CNTNAP2: variants seen among roughly 807,000 people sequenced by gnomAD.
CNTNAP2 encodes the protein contactin-associated protein-like 2.
In CNTNAP2, 98 loss-of-function variants were observed where a neutral mutation model predicts 155.2. The observed-to-expected ratio is 0.63, with a 90% CI of 0.54 to 0.75. The LOEUF (loss-of-function observed/expected upper bound fraction) is 0.75, where lower values mean the gene tolerates loss of function less well. Ranked by LOEUF, CNTNAP2 falls within the 30% of genes least tolerant of loss-of-function variation. CNTNAP2 has a pLI of 0.00. For synonymous variants in CNTNAP2, 651 were observed against 631.2 expected, an observed-to-expected ratio of 1.03 and a Z score of -0.47; for missense variants, 1,727 against 1,688.1, an observed-to-expected ratio of 1.02 and a Z score of -0.40.
At chr7:147,692,250 A>G (rs1169722508) in intron 13 of CNTNAP2, among the ~76,000 whole-genome samples, 2 of 152,018 alleles carry the variant, frequency 1.3e-5, no homozygotes, top group East Asian at 1.9e-4. Context: ...TTATTTATCC[A>G]CTTACCTACT....
intron 17 of CNTNAP2, among the ~76,000 whole-genome samples, chr7:148,148,783 A>G (rs1192834431): frequency 6.6e-6 from 1 of 152,250 alleles, no homozygotes; most frequent in African/African-American, 2.4e-5. Context: ...ATGTCGGCCA[A>G]CTACAAAACA....
At chr7:148,298,713 A>G (rs1797328220) in intron 21 of CNTNAP2, among the ~76,000 whole-genome samples, 2 of 152,104 alleles carry the variant, frequency 1.3e-5, no homozygotes, top group African/African-American at 4.8e-5. Context: ...TATTTTTTAG[A>G]CAGGGTCTCA....
chr7:147,335,725 C>T (rs1795653494), intron 9 of CNTNAP2, among the ~76,000 whole-genome samples: 1 of 152,120 alleles, frequency 6.6e-6, no homozygotes, highest in South Asian at 2.1e-4. Flanking sequence ...TCTTAGAAAT[C>T]AAACCCATCC....
chr7:148,394,844 T>C (rs191215367), intron 22 of CNTNAP2, among the ~76,000 whole-genome samples: 44 of 152,276 alleles, frequency 2.9e-4, no homozygotes, highest in Admixed American at 1.6e-3. Flanking sequence ...GCACTGCCTC[T>C]GGTAGATTTC....
intron 21 of CNTNAP2, among the ~76,000 whole-genome samples, chr7:148,364,839 T>C (rs1046268704): frequency 4.6e-5 from 7 of 152,164 alleles, no homozygotes; most frequent in Non-Finnish European, 8.8e-5. Context: ...TTTGGAAGCT[T>C]TGTTCTTTCA....
intron 1 of CNTNAP2, among the ~76,000 whole-genome samples, chr7:146,513,413 T>C (rs1294159749): frequency 6.6e-6 from 1 of 151,928 alleles, no homozygotes; most frequent in Non-Finnish European, 1.5e-5. Flanking sequence ...GGTTTAGTAA[T>C]TTTTCTCTGG....
intron 1 of CNTNAP2, among the ~76,000 whole-genome samples, chr7:146,558,960 A>G (rs1436862190): frequency 6.6e-6 from 1 of 152,212 alleles, no homozygotes; most frequent in Admixed American, 6.5e-5. Flanking sequence ...CAATTTCTGC[A>G]GTATGTTTAT....
At chr7:146,325,345 T>TA (rs570026178) in intron 1 of CNTNAP2, among the ~76,000 whole-genome samples, 10 of 152,278 alleles carry the variant, frequency 6.6e-5, no homozygotes, top group African/African-American at 1.2e-4. Flanking sequence ...TAAGAAGTAG[T>TA]AAAAAAGTCA....
chr7:147,217,777 A>G, intron 8 of CNTNAP2, among the ~76,000 whole-genome samples: 1 of 152,036 alleles, frequency 6.6e-6, no homozygotes, highest in East Asian at 1.9e-4. Flanking sequence ...TACGGACCTG[A>G]TGCTTTCTGT....
intron 13 of CNTNAP2, among the ~76,000 whole-genome samples, chr7:147,892,509 C>A (rs1799710340): frequency 6.6e-6 from 1 of 152,132 alleles, no homozygotes; most frequent in South Asian, 2.1e-4. Flanking sequence ...ACAAGACAAG[C>A]CAGAACCAAG....
chr7:147,478,152 C>CT (rs879450982), intron 10 of CNTNAP2, among the ~76,000 whole-genome samples: 44 of 148,336 alleles, frequency 3.0e-4, no homozygotes, highest in Middle Eastern at 3.4e-3. Context: ...TTCTTTCTTT[C>CT]TTTTTTTTTG....
chr7:147,729,790 T>C (rs1038494212), intron 13 of CNTNAP2, among the ~76,000 whole-genome samples: 3 of 152,062 alleles, frequency 2.0e-5, no homozygotes, highest in Non-Finnish European at 4.4e-5. Context: ...GTGGACAATA[T>C]GGTCAGATTT....
At chr7:148,227,982 T>G (rs1005913462) in intron 19 of CNTNAP2, among the ~76,000 whole-genome samples, 3 of 151,716 alleles carry the variant, frequency 2.0e-5, no homozygotes, top group African/African-American at 7.3e-5. Context: ...AAATTATCTT[T>G]GGGTGGTGGG....
chr7:146,218,528 AAAAC>A (rs973664920), intron 1 of CNTNAP2, among the ~76,000 whole-genome samples: 1 of 78,662 alleles, frequency 1.3e-5, no homozygotes, highest in Admixed American at 1.7e-4. Context: ...AACAAAAACA[AAAAC>A]AAACAAACAA....
intron 3 of CNTNAP2, among the ~76,000 whole-genome samples, chr7:146,910,851 C>G (rs886248911): frequency 1.0e-4 from 15 of 150,016 alleles, no homozygotes; most frequent in Middle Eastern, 3.2e-3. Context: ...AAGAAACTAC[C>G]ATCAGAGTGA....
At chr7:147,203,867 C>T (rs1036461753) in intron 8 of CNTNAP2, among the ~76,000 whole-genome samples, 12 of 151,834 alleles carry the variant, frequency 7.9e-5, no homozygotes, top group African/African-American at 2.9e-4. Context: ...GAATAAAAAG[C>T]AACAATAGAT....
intron 3 of CNTNAP2, among the ~76,000 whole-genome samples, chr7:146,851,607 A>G (rs925820921): frequency 3.3e-5 from 5 of 149,480 alleles, no homozygotes; most frequent in Admixed American, 2.0e-4. Flanking sequence ...CTTGGCTCGC[A>G]GGTGGTTATC....
At chr7:146,870,253 AT>A (rs1483378552) in intron 3 of CNTNAP2, among the ~76,000 whole-genome samples, 2 of 151,448 alleles carry the variant, frequency 1.3e-5, no homozygotes, top group Middle Eastern at 6.8e-3. Flanking sequence ...TACTGATTCA[AT>A]TTTGGAGCTC....
rs537774160 is a variant in CNTNAP2, at chr7:148,153,227, T to C, written c.2773+5518T>C. On this transcript the variant is annotated intron_variant, in intron 17 of 23. Transcript: ENST00000361727. ...AGCGAGGCCAGGCTCACATGTCCTT[T>C]TGCAAAGTAACCGAAAAAAAAAAAA... Among the ~76,000 whole-genome samples the C allele has an allele frequency of 5.0e-5, 7 of 139,438 alleles. No homozygotes were observed. In the South Asian group the frequency reaches 1.6e-3, roughly 32 times the overall value. The allele number at this position is 139,438 out of a possible 152,430, so 91.5% of individuals were successfully genotyped here.
Sources: gnomAD v4.1 joint callset for allele counts (sites outside exome capture counted in the v4.1 genomes callset) on GRCh38, gnomAD v4.1.1 for gene constraint, MANE v1.5 for transcripts, NCBI Gene and HGNC (gene_info 2026-07-23, HGNC 2026-07-21) for gene names.